The following NLGN4X variants were observed in gnomAD, a reference collection of about 807,000 sequenced individuals.
NLGN4X encodes neuroligin 4 X-linked.
A neutral mutation model predicts 40.3 loss-of-function variants in NLGN4X; 3 were observed. That is an observed-to-expected ratio of 0.07 (90% CI 0.03 to 0.19). The LOEUF (loss-of-function observed/expected upper bound fraction) is 0.19. NLGN4X is among the 10% of genes least tolerant of loss of function. NLGN4X has a pLI of 1.00. For missense variants in NLGN4X, 382 were observed against 708.3 expected, an observed-to-expected ratio of 0.54 and a Z score of 5.23; for synonymous variants, 270 against 306.8, an observed-to-expected ratio of 0.88 and a Z score of 1.25.
chrX:5,955,737 C>T (rs2034469751), intron 3 of NLGN4X, among the ~76,000 whole-genome samples: 1 of 105,859 alleles, frequency 9.4e-6, no homozygotes, highest in Non-Finnish European at 1.9e-5. Flanking sequence ...CTCTCATTCT[C>T]CATAAAAACC....
At chrX:6,061,389 T>A (rs2037766370) in intron 2 of NLGN4X, among the ~76,000 whole-genome samples, 1 of 101,983 alleles carries the variant, frequency 9.8e-6, no homozygotes, top group African/African-American at 3.5e-5. Context: ...TGTGGTTAGA[T>A]TTTCCATCTT....
intron 2 of NLGN4X, among the ~76,000 whole-genome samples, chrX:6,136,109 C>T (rs1304176315): frequency 1.8e-5 from 2 of 111,651 alleles, no homozygotes; most frequent in African/African-American, 6.5e-5. Context: ...CTCCCAGGCT[C>T]ATAGCTGCCA....
At chrX:6,213,278 T>C (rs1040443955) in intron 1 of NLGN4X, among the ~76,000 whole-genome samples, 3 of 111,446 alleles carry the variant, frequency 2.7e-5, no homozygotes, top group Middle Eastern at 4.3e-3. Flanking sequence ...CTGGCTCTAG[T>C]TGGTGGACAT....
At chrX:6,096,555 A>G (rs1324573145) in intron 2 of NLGN4X, among the ~76,000 whole-genome samples, 1 of 111,997 alleles carries the variant, frequency 8.9e-6, no homozygotes, top group Admixed American at 9.5e-5. Flanking sequence ...AAGTGAATTC[A>G]CAAGTGTCCC....
intron 2 of NLGN4X, among the ~76,000 whole-genome samples, chrX:6,050,776 C>CATCT (rs60281598): frequency 0.41 from 41,860 of 103,190 alleles, 6,600 homozygotes; most frequent in East Asian, 0.58. Context: ...TCTGTCTGTC[C>CATCT]ATCTATCTAT....
intron 2 of NLGN4X, among the ~76,000 whole-genome samples, chrX:6,141,403 T>G (rs1051974228): frequency 8.9e-6 from 1 of 112,103 alleles, no homozygotes; most frequent in African/African-American, 3.2e-5. Context: ...ATCTTATCTC[T>G]TTTATAATTA....
At position 6,197,390 on chromosome X, in the gene NLGN4X, T is replaced by C. The variant is rs747506760; in HGVS notation, c.-306+31151A>G. On this transcript the variant is annotated intron_variant, in intron 1 of 5. Transcript: ENST00000381095. ...AATCCTCTCACCTCAGTCTCCTGAA[T>C]AGCTGGGACTACAGGCATGCACCAC... is the stretch of plus-strand genomic sequence containing the variant. 5.2e-5 allele frequency among the ~76,000 whole-genome samples: 5 copies of C among 96,146 alleles called. No individual in the cohort carries two copies. In the South Asian group the frequency reaches 2.1e-3, roughly 40 times the overall value. 83.5% of individuals were successfully genotyped at this position (96,146 alleles called of 115,157 possible).
At chrX:6,176,111 G>A (rs1161991476) in intron 1 of NLGN4X, among the ~76,000 whole-genome samples, 1 of 111,178 alleles carries the variant, frequency 9.0e-6, no homozygotes, top group East Asian at 2.8e-4. Context: ...CACACTGCTG[G>A]CCAAAGGGTA....
intron 3 of NLGN4X, among the ~76,000 whole-genome samples, chrX:5,978,314 TTCTTTCTTTCTTTCTTTC>T (rs2035264791): frequency 2.1e-5 from 2 of 94,500 alleles, no homozygotes; most frequent in Admixed American, 2.3e-4. Context: ...CTTTCTTTCT[TTCTTTCTTTCTTTCTTTC>T]TTTCTTTCTT....
intron 3 of NLGN4X, among the ~76,000 whole-genome samples, chrX:5,991,879 G>A (rs1665587742): frequency 8.9e-6 from 1 of 111,970 alleles, no homozygotes; most frequent in Admixed American, 9.5e-5. Flanking sequence ...TAATGAAGGG[G>A]GAAAAGGGAA....
chrX:6,105,615 G>A lies in NLGN4X; in HGVS notation c.472+45380C>T, dbSNP rs377659706. Among the ~76,000 whole-genome samples, 5 of 111,487 alleles carry A rather than the reference G, an allele frequency of 4.5e-5. 1 individual carries two copies. The East Asian group carries it at 1.4e-3, about 31-fold the overall frequency. ...AATTACCACCTAACTAACTGCCACT[G>A]AGTCTCAGAACCAGCCCTTGGAAAC... is the stretch of plus-strand genomic sequence containing the variant. On this transcript the variant is annotated intron_variant, in intron 2 of 5. Transcript: ENST00000381095.
intron 1 of NLGN4X, among the ~76,000 whole-genome samples, chrX:6,212,075 A>G (rs1031579876): frequency 8.2e-5 from 9 of 110,030 alleles, no homozygotes; most frequent in African/African-American, 3.0e-4. Context: ...GTGAAACACC[A>G]TCTCTACTAA....
At chrX:6,066,252 C>T (rs180824197) in intron 2 of NLGN4X, among the ~76,000 whole-genome samples, 12 of 111,863 alleles carry the variant, frequency 1.1e-4, no homozygotes, top group Admixed American at 7.6e-4. Context: ...GTGTTTTATC[C>T]GTGATTTCTC....
At chrX:6,167,596 T>C (rs1350667288) in intron 1 of NLGN4X, among the ~76,000 whole-genome samples, 1 of 112,059 alleles carries the variant, frequency 8.9e-6, no homozygotes, top group East Asian at 2.8e-4. Flanking sequence ...AATTGGCCAC[T>C]GGATGTCATG....
rs772732784 is a variant in NLGN4X, at chrX:5,960,883, A to G, written c.626-51644T>C. Among the ~76,000 whole-genome samples the G allele has an allele frequency of 6.2e-5, 7 of 112,054 alleles. No individual in the cohort carries two copies. The South Asian group carries it at 2.6e-3, about 41-fold the overall frequency. The stretch of plus-strand genomic sequence containing the variant: ...TTCGTGAATGTTATACTTCACCACC[A>G]TATTTTCCATAACTTACAATATTTT... On this transcript the variant is annotated intron_variant, in intron 3 of 5. Coordinates refer to ENST00000381095, the MANE Select transcript of NLGN4X (RefSeq NM_181332.3).
intron 2 of NLGN4X, among the ~76,000 whole-genome samples, chrX:6,143,371 G>A (rs1602309770): frequency 8.9e-6 from 1 of 112,343 alleles, no homozygotes; most frequent in East Asian, 2.8e-4. Flanking sequence ...GCCCAGAAGA[G>A]ACCACAGCTT....
intron 3 of NLGN4X, among the ~76,000 whole-genome samples, chrX:5,928,148 G>A (rs1332312710): frequency 8.9e-6 from 1 of 112,155 alleles, no homozygotes; most frequent in Non-Finnish European, 1.9e-5. Flanking sequence ...CTATCTTCAT[G>A]CTAAGTCTCA....
At chrX:6,184,261 GTTCTT>G (rs1012541821) in intron 1 of NLGN4X, among the ~76,000 whole-genome samples, 11 of 111,966 alleles carry the variant, frequency 9.8e-5, no homozygotes, top group Non-Finnish European at 1.9e-4. Context: ...ACAGTGTGCT[GTTCTT>G]TTCATTTACC....
chrX:6,034,712 GTTTTT>G (rs202210549), intron 2 of NLGN4X, among the ~76,000 whole-genome samples: 2 of 103,497 alleles, frequency 1.9e-5, no homozygotes, highest in Non-Finnish European at 3.9e-5. Context: ...CTCATCATAG[GTTTTT>G]TTTTTTTTTT....
Sources: gnomAD v4.1 joint callset for allele counts (sites outside exome capture counted in the v4.1 genomes callset) on GRCh38, gnomAD v4.1.1 for gene constraint, MANE v1.5 for transcripts, NCBI Gene and HGNC (gene_info 2026-07-23, HGNC 2026-07-21) for gene names.